Variants in CNTN4 observed in about 807,000 individuals in gnomAD.
CNTN4 encodes contactin 4.
In CNTN4, 77 loss-of-function variants were observed where a neutral mutation model predicts 122.5. The observed-to-expected ratio is 0.63, with a 90% CI of 0.52 to 0.76. The LOEUF (loss-of-function observed/expected upper bound fraction) is 0.76, where lower values mean the gene tolerates loss of function less well. Among genes scored for constraint, CNTN4 ranks in the 30% least tolerant of loss-of-function variants. The pLI is 0.00. For missense variants in CNTN4, 1,256 were observed against 1,259.1 expected (o/e 1.00, Z 0.04); for synonymous variants, 512 against 447.0 (o/e 1.15, Z -1.83).
chr3:2,800,220 A>T (rs768519757), intron 6 of CNTN4, among the ~76,000 whole-genome samples: 2 of 151,800 alleles, frequency 1.3e-5, no homozygotes, highest in Non-Finnish European at 2.9e-5. Context: ...GAATCTGTAG[A>T]TTGCTTTGGA....
intron 2 of CNTN4, among the ~76,000 whole-genome samples, chr3:2,222,638 G>T (rs2039105587): frequency 6.6e-6 from 1 of 151,526 alleles, no homozygotes; most frequent in African/African-American, 2.4e-5. Flanking sequence ...AGGGATATAA[G>T]AATTTATACG....
intron 2 of CNTN4, among the ~76,000 whole-genome samples, chr3:2,289,676 C>T (rs1309529905): frequency 6.6e-6 from 1 of 152,118 alleles, no homozygotes; most frequent in African/African-American, 2.4e-5. Context: ...ACCTTCAGTG[C>T]TTCCCGCTTC....
chr3:2,420,528 C>T (rs1470000613), intron 3 of CNTN4, among the ~76,000 whole-genome samples: 1 of 152,040 alleles, frequency 6.6e-6, no homozygotes, highest in African/African-American at 2.4e-5. Context: ...CTCTGCCTCC[C>T]AGGTTCAAGC....
At chr3:2,325,823 T>C (rs555388300) in intron 2 of CNTN4, among the ~76,000 whole-genome samples, 1 of 152,332 alleles carries the variant, frequency 6.6e-6, no homozygotes, top group African/African-American at 2.4e-5. Flanking sequence ...ATAGAGTACA[T>C]ATGTGTACTT....
At chr3:2,381,006 T>G (rs1465635438) in intron 3 of CNTN4, among the ~76,000 whole-genome samples, 2 of 152,070 alleles carry the variant, frequency 1.3e-5, no homozygotes, top group East Asian at 1.9e-4. Flanking sequence ...TTTTGTTTTT[T>G]TCTTCCTTTT....
At chr3:2,310,770 A>C (rs1575340322) in intron 2 of CNTN4, among the ~76,000 whole-genome samples, 1 of 151,964 alleles carries the variant, frequency 6.6e-6, no homozygotes, top group East Asian at 1.9e-4. Flanking sequence ...ACTACCTAAA[A>C]CTCACTCGTT....
intron 2 of CNTN4, among the ~76,000 whole-genome samples, chr3:2,110,978 A>G (rs1374098873): frequency 6.6e-6 from 1 of 152,202 alleles, no homozygotes; most frequent in Non-Finnish European, 1.5e-5. Flanking sequence ...TCTTACCTGT[A>G]GTACAATAAA....
intron 2 of CNTN4, among the ~76,000 whole-genome samples, chr3:2,153,628 C>T (rs7649507): frequency 0.23 from 35,144 of 151,974 alleles, 4,950 homozygotes; most frequent in East Asian, 0.53. Context: ...ACAAAAGGAG[C>T]GCGAAACCAT....
chr3:2,528,723 T>A (rs1374682626), intron 3 of CNTN4, among the ~76,000 whole-genome samples: 1 of 152,166 alleles, frequency 6.6e-6, no homozygotes, highest in Non-Finnish European at 1.5e-5. Context: ...CCAAGGTTTT[T>A]TTCAATATTA....
chr3:2,938,008 A>G (rs1351073571), intron 13 of CNTN4, among the ~76,000 whole-genome samples: 1 of 152,216 alleles, frequency 6.6e-6, no homozygotes, highest in Admixed American at 6.5e-5. Flanking sequence ...AAGAAGCTAC[A>G]GGTTTAACTA....
intron 2 of CNTN4, among the ~76,000 whole-genome samples, chr3:2,228,489 G>T (rs1014426985): frequency 2.0e-5 from 3 of 151,972 alleles, no homozygotes; most frequent in Admixed American, 6.6e-5. Context: ...ATATCATCTG[G>T]CCCTTTGTGA....
chr3:2,721,924 G>A lies in CNTN4; in HGVS notation c.56-14291G>A, dbSNP rs568416127. Among the ~76,000 whole-genome samples, 12 of 152,264 alleles carry A rather than the reference G, an allele frequency of 7.9e-5. No homozygotes were observed. The East Asian group carries it at 2.1e-3, about 27-fold the overall frequency. On this transcript the variant is annotated intron_variant, in intron 4 of 24. Transcript: ENST00000418658. Reference sequence around the variant, plus strand: ...TGAGATTAGCACCCATGTAAGAGAAGCCCCAGAGAGCTGCCTTTCCCCTTT... The same window carrying A: ...TGAGATTAGCACCCATGTAAGAGAAACCCCAGAGAGCTGCCTTTCCCCTTT...
chr3:2,270,088 T>C lies in CNTN4; in HGVS notation c.-144-69090T>C, dbSNP rs2041225226. Among the ~76,000 whole-genome samples, 3 of 86,674 alleles carry C rather than the reference T, an allele frequency of 3.5e-5. 1 individual carries two copies. In the South Asian group the frequency reaches 1.7e-3, roughly 48 times the overall value. The allele number at this position is 86,674 out of a possible 152,430, so 56.9% of individuals were successfully genotyped here. On this transcript the variant is annotated intron_variant, in intron 2 of 24. Coordinates refer to ENST00000418658, the MANE Select transcript of CNTN4 (RefSeq NM_175607.3). Reference sequence around the variant, plus strand: ...CCTCAGCCTCCCCAGTAGCTGGGACTACAGGCGCCCGCCACCGCGCCCGGC... The same window carrying C: ...CCTCAGCCTCCCCAGTAGCTGGGACCACAGGCGCCCGCCACCGCGCCCGGC...
At chr3:2,401,297 G>C (rs1197661734) in intron 3 of CNTN4, among the ~76,000 whole-genome samples, 3 of 152,064 alleles carry the variant, frequency 2.0e-5, no homozygotes, top group Non-Finnish European at 2.9e-5. Flanking sequence ...TAGGGAAGGA[G>C]TCAGACCCAG....
rs73112793 is a variant in CNTN4, at chr3:2,885,301, T to A, written c.756-1739T>A. ...TGATGCCCTCTCTGCAATTTAAGAT[T>A]TGTTCCAACAGTTATGGCAGTAGGA... is the stretch of plus-strand genomic sequence containing the variant. On this transcript the variant is annotated intron_variant, in intron 9 of 24. Coordinates refer to ENST00000418658, the MANE Select transcript of CNTN4 (RefSeq NM_175607.3). 1.5e-3 allele frequency among the ~76,000 whole-genome samples: 222 copies of A among 152,324 alleles called. 1 individual carries two copies. Among genetic ancestry groups the A allele is most frequent in the African/African-American group, 5.2e-3 (215 of 41,574 alleles).
chr3:2,843,014 T>C (rs2093391151), intron 7 of CNTN4, among the ~76,000 whole-genome samples: 1 of 152,182 alleles, frequency 6.6e-6, no homozygotes, highest in Non-Finnish European at 1.5e-5. Context: ...TTTATACTGA[T>C]ATTTTATAAA....
intron 3 of CNTN4, among the ~76,000 whole-genome samples, chr3:2,378,736 CT>C (rs199694954): frequency 0.083 from 12,274 of 147,060 alleles, 947 homozygotes; most frequent in East Asian, 0.5. Flanking sequence ...AGCTTAGCTC[CT>C]TTTTTTTTTT....
chr3:2,762,424 C>T (rs2090632885), intron 6 of CNTN4, among the ~76,000 whole-genome samples: 1 of 152,140 alleles, frequency 6.6e-6, no homozygotes, highest in Admixed American at 6.5e-5. Context: ...TCGATGTGTT[C>T]TCATCATTTA....
At chr3:2,217,004 C>T (rs370384616) in intron 2 of CNTN4, among the ~76,000 whole-genome samples, 4 of 152,110 alleles carry the variant, frequency 2.6e-5, no homozygotes, top group African/African-American at 9.7e-5. Flanking sequence ...AAGCTCTTGG[C>T]CCCACATTCT....
Sources: allele counts gnomAD v4.1 joint callset (sites outside exome capture counted in the v4.1 genomes callset), GRCh38; gene constraint gnomAD v4.1.1; transcripts MANE v1.5; gene names NCBI Gene and HGNC (gene_info 2026-07-23, HGNC 2026-07-21).